ADGRG4: variants seen among roughly 807,000 people sequenced by gnomAD.
ADGRG4 encodes the protein G protein-coupled receptor 112.
In ADGRG4, 122 loss-of-function variants were observed where a neutral mutation model predicts 126.2. The ratio of observed to expected loss-of-function variants is 0.97; its 90% confidence interval spans 0.83 to 1.12. The LOEUF is 1.12. Among genes scored for constraint, ADGRG4 ranks in the 50% most tolerant of loss-of-function variants. The pLI is 0.00. For synonymous variants in ADGRG4, 943 were observed against 838.7 expected (o/e 1.12, Z -2.15); for missense variants, 2,481 against 2,251.8 (o/e 1.10, Z -2.06).
At chrX:136,357,793 C>T (rs1192687266) in intron 10 of ADGRG4, 37 bp downstream of exon 10, 2 of 942,804 alleles carry the variant, frequency 2.1e-6, no homozygotes, top group Admixed American at 2.5e-5. Flanking sequence ...ATAGCTGGCA[C>T]ATTTAGTTCT....
intron 16 of ADGRG4, 65 bp downstream of exon 16, chrX:136,387,939 C>T: frequency 2.9e-6 from 3 of 1,021,290 alleles, no homozygotes; most frequent in Non-Finnish European, 4.0e-6. Context: ...ATTATGAACT[C>T]TTGCTATTTT....
intron 4 of ADGRG4, among the ~76,000 whole-genome samples, chrX:136,322,476 T>A (rs1257579726): frequency 9.0e-6 from 1 of 111,692 alleles, no homozygotes; most frequent in Non-Finnish European, 1.9e-5. Flanking sequence ...TCACTAGCCA[T>A]ACACTTCTAA....
Position 136,411,067 on chromosome X carries a change from T to A in ADGRG4, c.8936-1198T>A, listed in dbSNP as rs186704590. On this transcript the variant is annotated intron_variant, in intron 23 of 25. Coordinates refer to ENST00000394143, the MANE Select transcript of ADGRG4 (RefSeq NM_153834.4). ...CAGGGAATTTGCAATCAAGATAATTTTTTTTTTAAGACAGAGTCTTGCTCT... is the reference window on the plus strand; with the variant it reads ...CAGGGAATTTGCAATCAAGATAATTATTTTTTTAAGACAGAGTCTTGCTCT... Among the ~76,000 whole-genome samples the A allele has an allele frequency of 3.4e-4, 38 of 111,749 alleles. No individual in the cohort carries two copies. The East Asian group carries it at 9.3e-3, about 27-fold the overall frequency.
intron 13 of ADGRG4, among the ~76,000 whole-genome samples, chrX:136,369,487 A>G (rs746957943): frequency 2.1e-4 from 24 of 112,081 alleles, no homozygotes; most frequent in Non-Finnish European, 3.9e-4. Flanking sequence ...GAAAAAGTCT[A>G]TAATTACTTT....
chrX:136,382,572 G>T (rs1441279995), intron 15 of ADGRG4, among the ~76,000 whole-genome samples: 1 of 111,506 alleles, frequency 9.0e-6, no homozygotes, highest in Non-Finnish European at 1.9e-5. Context: ...CTTCATTTTT[G>T]AAGGGTCTGG....
In ADGRG4 at chrX:136,346,359, T is replaced by A; in HGVS notation, c.2653T>A (p.Ser885Thr). The A allele has an allele frequency of 8.3e-7, 1 of 1,209,722 alleles. No homozygotes were observed. Among genetic ancestry groups the A allele is most frequent in the Non-Finnish European group, 1.1e-6 (1 of 894,364 alleles). ...AQRVTASVTV[S>T]SFPDIEKLST... is the part of the protein sequence containing the mutation. Reference sequence around the variant, plus strand: ...AAGGGTGACAGCTTCTGTCACTGTTTCCTCTTTTCCTGATATAGAAAAGCT... The same window carrying A: ...AAGGGTGACAGCTTCTGTCACTGTTACCTCTTTTCCTGATATAGAAAAGCT... Residue 885 changes from serine to threonine, a missense_variant, in exon 6 of 26, where the codon TCC becomes ACC. Ser to Thr is a moderately conservative substitution (Grantham distance 58). Coordinates refer to ENST00000394143, the MANE Select transcript of ADGRG4 (RefSeq NM_153834.4).
At chrX:136,359,973 A>G (rs1160731623) in intron 11 of ADGRG4, among the ~76,000 whole-genome samples, 1 of 111,417 alleles carries the variant, frequency 9.0e-6, no homozygotes, top group East Asian at 2.8e-4. Flanking sequence ...TTTCCCCAAT[A>G]GACTGCTGTA....
intron 24 of ADGRG4, among the ~76,000 whole-genome samples, chrX:136,413,895 C>T (rs1222611862): frequency 9.1e-6 from 1 of 110,282 alleles, no homozygotes; most frequent in Non-Finnish European, 1.9e-5. Flanking sequence ...CATGCGCCAC[C>T]CCGCCCGGCT....
rs2075359376 is a variant in ADGRG4, at chrX:136,397,924, T to C, written c.8228T>C (p.Leu2743Ser). Residue 2743 changes from leucine to serine, a missense_variant, in exon 20 of 26, where the codon TTA becomes TCA. Physicochemically the swap from Leu to Ser is moderately radical, Grantham distance 145 (BLOSUM62 -2). Transcript: ENST00000394143. ...GTGGATTCAGTGAATGAACAGATAT[T>C]AGCGCTTATAACATACACCGGATGT... ...STVDSVNEQI[L>S]ALITYTGCGI... The C allele has an allele frequency of 9.2e-6, 11 of 1,194,328 alleles. No homozygotes were observed. The highest frequency in any genetic ancestry group is 1.8e-5 in the African/African-American group (1 of 56,973).
intron 4 of ADGRG4, among the ~76,000 whole-genome samples, chrX:136,321,784 A>G (rs2074840943): frequency 8.9e-6 from 1 of 112,093 alleles, no homozygotes; most frequent in Admixed American, 9.5e-5. Context: ...TACTTACCAA[A>G]AGACCGCACC....
intron 5 of ADGRG4, among the ~76,000 whole-genome samples, chrX:136,329,671 A>AC (rs1325224293): frequency 1.1e-5 from 1 of 93,785 alleles, no homozygotes; most frequent in African/African-American, 3.9e-5. Flanking sequence ...TTTGCATTTG[A>AC]TTTTTTTTTT....
rs150960878 is a variant in ADGRG4, at chrX:136,414,233, G to A, written c.9111G>A (p.Leu3037=). The A allele has an allele frequency of 2.3e-4, 275 of 1,202,550 alleles. No homozygotes were observed. The highest frequency in any genetic ancestry group is 3.0e-4 in the Non-Finnish European group (264 of 888,777). ...TAAAGAAAATCTTTGAGCACAAACT[G>A]TTGACGCCATCTCTCAAGTCAACTG... ...EGLKKIFEHK[L]LTPSLKSTAT... Residue 3037 remains leucine (L), a synonymous_variant, in exon 25 of 26, where the codon CTG becomes CTA. Transcript: ENST00000394143.
intron 15 of ADGRG4, among the ~76,000 whole-genome samples, chrX:136,380,604 C>CGCTTCTTCTTCTTCTTCTTCT (rs2075255726): frequency 5.4e-5 from 3 of 55,359 alleles, no homozygotes; most frequent in African/African-American, 1.4e-4. Context: ...CCTCCTCCTC[C>CGCTTCTTCTTCTTCTTCTTCT]TCTTCTTCTT....
chrX:136,395,266 CT>C (rs781707608), intron 18 of ADGRG4, 123 bp from the exon 19 acceptor site: 127 of 427,233 alleles, frequency 3.0e-4, no homozygotes, highest in Middle Eastern at 1.7e-3. Flanking sequence ...AATTATACCC[CT>C]AATCTTGCTA....
intron 7 of ADGRG4, among the ~76,000 whole-genome samples, chrX:136,352,268 A>G (rs1362840243): frequency 9.0e-6 from 1 of 111,614 alleles, no homozygotes; most frequent in Non-Finnish European, 1.9e-5. Context: ...TATAAATCAT[A>G]CACTTTAACA....
chrX:136,411,029 C>T (rs1298863623), intron 23 of ADGRG4, among the ~76,000 whole-genome samples: 6 of 111,391 alleles, frequency 5.4e-5, no homozygotes, highest in African/African-American at 2.0e-4. Flanking sequence ...TGCAGGAAAT[C>T]TAATTGGTCC....
intron 12 of ADGRG4, 99 bp from the exon 13 acceptor site, chrX:136,363,378 C>G: frequency 1.7e-6 from 1 of 593,141 alleles, no homozygotes; most frequent in Non-Finnish European, 2.9e-6. Context: ...AGGCTTGGGG[C>G]AGGCGAGGAG....
intron 4 of ADGRG4, among the ~76,000 whole-genome samples, chrX:136,313,939 G>A (rs1000200357): frequency 9.0e-6 from 1 of 110,825 alleles, no homozygotes. Flanking sequence ...TCCTCTTCTG[G>A]AAATGGCTTC....
In ADGRG4 at chrX:136,405,042, C is replaced by G. The variant is rs149607845; in HGVS notation, c.8655-650C>G. 1.0e-3 allele frequency among the ~76,000 whole-genome samples: 117 copies of G among 112,107 alleles called. No homozygotes were observed. In the East Asian group the frequency reaches 0.018, roughly 17 times the overall value. ...AAATGGACTATCTGTTCATATGAAT[C>G]ACTGCATATTTTTTCTTTAATAAAA... On this transcript the variant is annotated intron_variant, in intron 22 of 25. Coordinates refer to ENST00000394143, the MANE Select transcript of ADGRG4 (RefSeq NM_153834.4).
Sources: gnomAD v4.1 joint callset for allele counts (sites outside exome capture counted in the v4.1 genomes callset) on GRCh38, gnomAD v4.1.1 for gene constraint, MANE v1.5 for transcripts, NCBI Gene and HGNC (gene_info 2026-07-23, HGNC 2026-07-21) for gene names.